APBB2: variants seen among roughly 807,000 people sequenced by gnomAD.
APBB2 encodes Fe65-like 1.
A neutral mutation model predicts 82.5 loss-of-function variants in APBB2; 38 were observed. That is an observed-to-expected ratio of 0.46 (90% CI 0.36 to 0.60). APBB2 has a LOEUF of 0.60. Among genes scored for constraint, APBB2 ranks in the 20% least tolerant of loss-of-function variants. The pLI, the probability that APBB2 is intolerant of heterozygous loss-of-function variation, is 0.00. For synonymous variants in APBB2, 341 were observed against 368.2 expected (o/e 0.93, Z 0.85); for missense variants, 772 against 972.3 (o/e 0.79, Z 2.74).
chr4:40,945,410 T>C (rs1418870065), intron 6 of APBB2, among the ~76,000 whole-genome samples: 3 of 143,366 alleles, frequency 2.1e-5, no homozygotes, highest in African/African-American at 9.0e-5. Context: ...ATTCACATAG[T>C]TATACACAGT....
At chr4:41,054,894 C>T (rs1485740367) in intron 4 of APBB2, among the ~76,000 whole-genome samples, 3 of 152,128 alleles carry the variant, frequency 2.0e-5, no homozygotes, top group Non-Finnish European at 4.4e-5. Flanking sequence ...CGCCACCTCC[C>T]TGCCCCTCCC....
intron 5 of APBB2, among the ~76,000 whole-genome samples, chr4:41,016,565 C>T (rs1177767140): frequency 6.6e-6 from 1 of 151,996 alleles, no homozygotes; most frequent in Non-Finnish European, 1.5e-5. Context: ...GCAGGAGAAT[C>T]GCTTGAACTC....
In APBB2 at chr4:41,168,410, C is replaced by T. The variant is rs180980324; in HGVS notation, c.-416-25268G>A. Among the ~76,000 whole-genome samples, 81 of 151,708 alleles carry T rather than the reference C, an allele frequency of 5.3e-4. 2 individuals are homozygous for T. The highest frequency in any genetic ancestry group is 3.0e-3 in the Admixed American group (46 of 15,274). The stretch of plus-strand genomic sequence containing the variant: ...ATTTTTTTCCTCAGACAAAGAGTCT[C>T]GCTCTGTCACCCAGGCTGGAGTGCA... On this transcript the variant is annotated intron_variant, in intron 1 of 17. Coordinates refer to ENST00000508593, the MANE Select transcript of APBB2 (RefSeq NM_004307.2).
In APBB2 at chr4:40,934,493, T is replaced by C. The variant is rs908815462; in HGVS notation, c.1217A>G (p.Asp406Gly). 6.2e-7 allele frequency: 1 copy of C among 1,614,176 alleles called. No individual in the cohort carries two copies. Among genetic ancestry groups the C allele is most frequent in the Non-Finnish European group, 8.5e-7 (1 of 1,180,036 alleles). Residue 406 changes from aspartate (D) to glycine (G), a missense_variant, in exon 10 of 18, where the codon GAT becomes GGT. Physicochemically the swap from Asp to Gly is moderately conservative, Grantham distance 94. Coordinates refer to ENST00000508593, the MANE Select transcript of APBB2 (RefSeq NM_004307.2). ...KLRNAPHPDD[D>G]DSCSINSDPE... ...GTCACTGTTGATACTACAAGAATCA[T>C]CATCATCAGGGTGTGGGGCATTTCT...
At chr4:40,862,704 C>T (rs1290614869) in intron 12 of APBB2, among the ~76,000 whole-genome samples, 4 of 152,100 alleles carry the variant, frequency 2.6e-5, no homozygotes, top group African/African-American at 4.8e-5. Context: ...ACTAAAACTA[C>T]AAAAATTAGC....
At chr4:41,131,762 G>A (rs889467347) in intron 2 of APBB2, among the ~76,000 whole-genome samples, 6 of 152,034 alleles carry the variant, frequency 3.9e-5, no homozygotes, top group African/African-American at 7.2e-5. Flanking sequence ...AACTTCGGCC[G>A]GGCACAGTGG....
chr4:41,032,845 C>T lies in APBB2; in HGVS notation c.19+391G>A, dbSNP rs1362380468. 1.0e-4 allele frequency among the ~76,000 whole-genome samples: 12 copies of T among 114,442 alleles called. No individual in the cohort carries two copies. In the East Asian group the frequency reaches 2.4e-3, roughly 23 times the overall value. 75.1% of individuals were successfully genotyped at this position (114,442 alleles called of 152,430 possible). A position where few individuals can be genotyped will look rare whatever the true frequency, so the allele number is the denominator to read the frequency against. On this transcript the variant is annotated intron_variant, in intron 5 of 17. Transcript: ENST00000508593. ...TGTCGCCCAGGCTGGAGTGCAGTGG[C>T]GCGATCTCGACTCACTGCAAGCTCC...
intron 12 of APBB2, among the ~76,000 whole-genome samples, chr4:40,888,951 T>C (rs1228182355): frequency 6.6e-6 from 1 of 152,222 alleles, no homozygotes; most frequent in Non-Finnish European, 1.5e-5. Context: ...TCCACCAAAG[T>C]TAAATGTTTT....
chr4:40,878,586 G>A (rs774985602), intron 12 of APBB2, among the ~76,000 whole-genome samples: 4 of 151,982 alleles, frequency 2.6e-5, no homozygotes, highest in Non-Finnish European at 5.9e-5. Flanking sequence ...ATCCTCTCCC[G>A]CCTCAGGACT....
chr4:41,088,485 A>C (rs1209221897), intron 3 of APBB2, among the ~76,000 whole-genome samples: 1 of 152,232 alleles, frequency 6.6e-6, no homozygotes, highest in Non-Finnish European at 1.5e-5. Flanking sequence ...CTGCGCTGTG[A>C]GAGGTGGATT....
chr4:41,168,625 A>C (rs1238309102), intron 1 of APBB2, among the ~76,000 whole-genome samples: 1 of 152,240 alleles, frequency 6.6e-6, no homozygotes, highest in African/African-American at 2.4e-5. Flanking sequence ...TGGTATAGAA[A>C]TTTAAAAAAG....
chr4:40,900,454 GTTTTTT>G (rs71648936), intron 10 of APBB2, among the ~76,000 whole-genome samples: 1 of 132,752 alleles, frequency 7.5e-6, no homozygotes, highest in African/African-American at 2.8e-5. Context: ...ACGGAAGGAG[GTTTTTT>G]TTTTTTTTTT....
chr4:40,919,310 A>G (rs1780673878), intron 10 of APBB2, among the ~76,000 whole-genome samples: 1 of 152,230 alleles, frequency 6.6e-6, no homozygotes, highest in Non-Finnish European at 1.5e-5. Flanking sequence ...AAACACCCCC[A>G]TTAACATATA....
At chr4:41,066,680 AG>A (rs1421217400) in intron 3 of APBB2, among the ~76,000 whole-genome samples, 1 of 152,234 alleles carries the variant, frequency 6.6e-6, no homozygotes, top group African/African-American at 2.4e-5. Flanking sequence ...GAAAAGGGAA[AG>A]GTAAGAAACC....
chr4:41,136,736 A>T (rs901690590), intron 2 of APBB2, among the ~76,000 whole-genome samples: 1 of 152,242 alleles, frequency 6.6e-6, no homozygotes, highest in African/African-American at 2.4e-5. Context: ...AGCAATAGTC[A>T]GCTCAGCTAT....
chr4:40,824,867 T>C (rs1367410442), intron 15 of APBB2, among the ~76,000 whole-genome samples: 4 of 152,182 alleles, frequency 2.6e-5, no homozygotes, highest in East Asian at 3.9e-4. Flanking sequence ...TCTGCATTTT[T>C]CCCCCACTCC....
intron 11 of APBB2, 124 bp downstream of exon 11, chr4:40,893,141 T>C: frequency 8.3e-7 from 1 of 1,197,884 alleles, no homozygotes. Context: ...CCTGCATTAA[T>C]GGGAAAAGGC....
Position 41,201,199 on chromosome 4 carries a change from G to A in APBB2, c.-417+13206C>T, listed in dbSNP as rs891656699. Among the ~76,000 whole-genome samples the A allele has an allele frequency of 6.6e-5, 10 of 152,076 alleles. No individual in the cohort carries two copies. In the South Asian group the frequency reaches 1.2e-3, roughly 19 times the overall value. The stretch of plus-strand genomic sequence containing the variant: ...GAGGTAACTTGTTTAGGGTTACCAC[G>A]CTGATCAAATCAAACCCAGAATCAA... On this transcript the variant is annotated intron_variant, in intron 1 of 17. Transcript: ENST00000508593.
intron 12 of APBB2, among the ~76,000 whole-genome samples, chr4:40,888,795 C>T (rs1439139839): frequency 4.6e-5 from 7 of 151,954 alleles, no homozygotes; most frequent in African/African-American, 9.7e-5. Context: ...GCCTCGCACA[C>T]GTATGTAGTG....
Sources: gnomAD v4.1 joint callset for allele counts (sites outside exome capture counted in the v4.1 genomes callset) on GRCh38, gnomAD v4.1.1 for gene constraint, MANE v1.5 for transcripts, NCBI Gene and HGNC (gene_info 2026-07-23, HGNC 2026-07-21) for gene names.